PSMD9: variants seen among roughly 807,000 people sequenced by gnomAD.
The protein encoded by PSMD9 is proteasome 26S subunit, non-ATPase 9, also known as 26S proteasome non-ATPase regulatory subunit 9.
A neutral mutation model predicts 25.9 loss-of-function variants in PSMD9; 26 were observed. That is an observed-to-expected ratio of 1.00 (90% CI 0.73 to 1.39). The LOEUF is 1.39. Among genes scored for constraint, PSMD9 ranks in the 40% most tolerant of loss-of-function variants. The pLI, the probability that PSMD9 is intolerant of heterozygous loss-of-function variation, is 0.00. For synonymous variants in PSMD9, 110 were observed against 114.5 expected (o/e 0.96, Z 0.25); for missense variants, 303 against 299.3 (o/e 1.01, Z -0.09).
chr12:121,896,396 G>A (rs540045450), intron 2 of PSMD9, among the ~76,000 whole-genome samples: 8 of 151,980 alleles, frequency 5.3e-5, no homozygotes, highest in Admixed American at 2.6e-4. Flanking sequence ...CTTGAACCCA[G>A]GAGGCAGAGG....
intron 3 of PSMD9, among the ~76,000 whole-genome samples, chr12:121,900,158 GATGAAA>G (rs1228214897): frequency 1.3e-5 from 2 of 152,154 alleles, no homozygotes; most frequent in Non-Finnish European, 2.9e-5. Context: ...GGCACTGAAT[GATGAAA>G]ATGAGAATGG....
intron 2 of PSMD9, among the ~76,000 whole-genome samples, chr12:121,895,672 T>C (rs1282884937): frequency 6.6e-6 from 1 of 152,188 alleles, no homozygotes; most frequent in Non-Finnish European, 1.5e-5. Flanking sequence ...TCCCTCTGAT[T>C]CTGTCATAAC....
rs780566522 is a variant in PSMD9, at chr12:121,916,570, C to A, written c.*259C>A. 4 of 537,216 alleles carry A rather than the reference C, an allele frequency of 7.4e-6. No individual in the cohort carries two copies. Among genetic ancestry groups the A allele is most frequent in the Non-Finnish European group, 1.0e-5 (3 of 300,348 alleles). The allele number at this position is 537,216 out of a possible 1,614,324, so 33.3% of individuals were successfully genotyped here. A position where few individuals can be genotyped will look rare whatever the true frequency, so the allele number is the denominator to read the frequency against. ...ATTCCCTGGATTGTGGGCAAGTGGGCGGAAGTTATTCTGGCAGGTACTGGT... is the reference window on the plus strand; with the variant it reads ...ATTCCCTGGATTGTGGGCAAGTGGGAGGAAGTTATTCTGGCAGGTACTGGT... On this transcript the variant is annotated 3_prime_UTR_variant, in exon 6 of 6. Coordinates refer to ENST00000541212, the MANE Select transcript of PSMD9 (RefSeq NM_002813.7).
intron 4 of PSMD9, 115 bp downstream of exon 4, chr12:121,903,222 G>C (rs978870090): frequency 1.0e-6 from 1 of 961,666 alleles, no homozygotes; most frequent in Non-Finnish European, 1.6e-6. Flanking sequence ...AGGCAGGGAA[G>C]TCCAAGATCC....
At chr12:121,899,927 C>T (rs748592321) in intron 3 of PSMD9, 82 bp downstream of exon 3, 2 of 1,464,322 alleles carry the variant, frequency 1.4e-6, no homozygotes, top group Non-Finnish European at 1.9e-6. Flanking sequence ...GAAAGACAGA[C>T]TAGTTCTCTC....
intron 1 of PSMD9, among the ~76,000 whole-genome samples, chr12:121,889,962 G>A (rs1879015049): frequency 6.6e-6 from 1 of 152,076 alleles, no homozygotes; most frequent in South Asian, 2.1e-4. Context: ...TTGTCACCCA[G>A]GCTGGAGTGC....
In PSMD9 at chr12:121,910,796, A is replaced by G. The variant is rs145363606; in HGVS notation, c.556-5060A>G. ...AAATTACCATTTTAACCATTAAAAAATCTACACTTTAGTGGCATTAAGTAC... is the reference window on the plus strand; with the variant it reads ...AAATTACCATTTTAACCATTAAAAAGTCTACACTTTAGTGGCATTAAGTAC... On this transcript the variant is annotated intron_variant, in intron 4 of 5. Transcript: ENST00000541212. 309 of 327,430 alleles carry G rather than the reference A, an allele frequency of 9.4e-4. 3 individuals are homozygous for G. The highest frequency in any genetic ancestry group is 6.1e-3 in the African/African-American group (282 of 46,118). 20.3% of individuals were successfully genotyped at this position (327,430 alleles called of 1,614,324 possible).
At chr12:121,906,385 C>T (rs1264912869) in intron 4 of PSMD9, among the ~76,000 whole-genome samples, 1 of 152,000 alleles carries the variant, frequency 6.6e-6, no homozygotes, top group Non-Finnish European at 1.5e-5. Flanking sequence ...AGAAAAAAAA[C>T]CTTGCATAGC....
intron 5 of PSMD9, 130 bp from the exon 6 acceptor site, chr12:121,916,154 T>C (rs1879894177): frequency 6.1e-6 from 8 of 1,308,698 alleles, no homozygotes; most frequent in Non-Finnish European, 8.8e-6. Context: ...TCTCTCCAGT[T>C]CATTCATGCA....
At chr12:121,900,139 T>C (rs994695372) in intron 3 of PSMD9, among the ~76,000 whole-genome samples, 3 of 152,272 alleles carry the variant, frequency 2.0e-5, no homozygotes, top group Middle Eastern at 3.4e-3. Context: ...TTGGGGCTCA[T>C]TTTAGCTGGG....
chr12:121,901,140 A>ACATTGT (rs1198997940), intron 3 of PSMD9, among the ~76,000 whole-genome samples: 1 of 151,984 alleles, frequency 6.6e-6, no homozygotes, highest in Non-Finnish European at 1.5e-5. Flanking sequence ...CAATTTCAGA[A>ACATTGT]CATTGTCATT....
intron 1 of PSMD9, among the ~76,000 whole-genome samples, chr12:121,891,298 T>TAAAAAA (rs1209397158): frequency 1.1e-5 from 1 of 91,688 alleles, no homozygotes; most frequent in Admixed American, 1.3e-4. Flanking sequence ...GCTGTCTCTT[T>TAAAAAA]AAAAAAAAAA....
At position 121,916,462 on chromosome 12, in the gene PSMD9, C is replaced by A; in HGVS notation, c.*151C>A. The A allele has an allele frequency of 1.1e-6, 1 of 930,388 alleles. No homozygotes were observed. The highest frequency in any genetic ancestry group is 1.7e-6 in the Non-Finnish European group (1 of 586,294). The allele number at this position is 930,388 out of a possible 1,614,324, so 57.6% of individuals were successfully genotyped here. A position where few individuals can be genotyped will look rare whatever the true frequency, so the allele number is the denominator to read the frequency against. On this transcript the variant is annotated 3_prime_UTR_variant, in exon 6 of 6. Transcript: ENST00000541212. ...GTGTGGTGGCAGTACTGTGGCCCAC[C>A]AGTGTAATCTCCCTGGATTAAGGCA...
chr12:121,910,075 G>A (rs1057248291), intron 4 of PSMD9, among the ~76,000 whole-genome samples: 1 of 136,854 alleles, frequency 7.3e-6, no homozygotes, highest in East Asian at 2.2e-4. Flanking sequence ...CAATCTGGTA[G>A]GAAATGACTT....
chr12:121,897,014 G>GTA (rs1879253746), intron 2 of PSMD9, among the ~76,000 whole-genome samples: 1 of 152,046 alleles, frequency 6.6e-6, no homozygotes, highest in African/African-American at 2.4e-5. Context: ...ACACATGCGT[G>GTA]TATATATGCA....
intron 3 of PSMD9, chr12:121,901,969 C>CT (rs1342375504): frequency 6.6e-6 from 1 of 150,708 alleles, no homozygotes; most frequent in Non-Finnish European, 1.5e-5. Flanking sequence ...GCGTGAGCCA[C>CT]TGTGCCTGGC....
chr12:121,916,447 A>G lies in PSMD9; in HGVS notation c.*136A>G. ...GTAACCTGAACTTCTGTGTGGTGGC[A>G]GTACTGTGGCCCACCAGTGTAATCT... On this transcript the variant is annotated 3_prime_UTR_variant, in exon 6 of 6. Transcript: ENST00000541212. The G allele has an allele frequency of 4.5e-6, 5 of 1,099,158 alleles. No individual in the cohort carries two copies. Among genetic ancestry groups the G allele is most frequent in the Non-Finnish European group, 6.9e-6 (5 of 725,254 alleles). 68.1% of individuals were successfully genotyped at this position (1,099,158 alleles called of 1,614,324 possible).
chr12:121,905,299 C>A (rs1879521733), intron 4 of PSMD9, among the ~76,000 whole-genome samples: 2 of 147,274 alleles, frequency 1.4e-5, no homozygotes, highest in African/African-American at 2.5e-5. Context: ...GGGGGGGCTA[C>A]TGCAAGCTCT....
intron 1 of PSMD9, among the ~76,000 whole-genome samples, chr12:121,891,157 G>A (rs61954311): frequency 0.41 from 60,456 of 149,098 alleles, 13,075 homozygotes; most frequent in Non-Finnish European, 0.5. Context: ...TTAGTTGGGC[G>A]TGGTGGTGCA....
Sources: gnomAD v4.1 joint callset for allele counts (sites outside exome capture counted in the v4.1 genomes callset) on GRCh38, gnomAD v4.1.1 for gene constraint, MANE v1.5 for transcripts, NCBI Gene and HGNC (gene_info 2026-07-23, HGNC 2026-07-21) for gene names.